NDUFA10: variants seen among roughly 807,000 people sequenced by gnomAD.
NDUFA10 encodes the protein NADH:ubiquinone oxidoreductase subunit A10.
Under a neutral mutation model 47.8 loss-of-function variants are expected in NDUFA10, and 40 were observed. That is an observed-to-expected ratio of 0.84 (90% CI 0.65 to 1.09). NDUFA10 has a LOEUF of 1.09. Among genes scored for constraint, NDUFA10 ranks in the 50% least tolerant of loss-of-function variants. The probability of loss-of-function intolerance (pLI) is 0.00; values close to 1 mark genes in which losing one functional copy is unlikely to be tolerated. For synonymous variants in NDUFA10, 183 were observed against 172.2 expected (o/e 1.06, Z -0.49); for missense variants, 413 against 451.1 (o/e 0.92, Z 0.76).
chr2:239,902,689 G>A (rs1474352231), intron 4 of NDUFA10, among the ~76,000 whole-genome samples: 8 of 152,138 alleles, frequency 5.3e-5, no homozygotes, highest in African/African-American at 1.4e-4. Context: ...GAGTGGGAAC[G>A]GCCTCGTTCT....
chr2:239,935,735 C>T (rs1176919891), intron 4 of NDUFA10, among the ~76,000 whole-genome samples: 1 of 152,206 alleles, frequency 6.6e-6, no homozygotes, highest in African/African-American at 2.4e-5. Flanking sequence ...CTCACAAGAT[C>T]TGATGGTTTT....
chr2:240,002,972 C>T (rs1282995824), intron 8 of NDUFA10, among the ~76,000 whole-genome samples: 2 of 152,090 alleles, frequency 1.3e-5, no homozygotes, highest in Non-Finnish European at 1.5e-5. Context: ...ACCTTAACCT[C>T]CCAAGTAGCT....
intron 4 of NDUFA10, among the ~76,000 whole-genome samples, chr2:239,931,358 ACACTTGTCATTGGATGAG>A: frequency 6.6e-6 from 1 of 152,182 alleles, no homozygotes; most frequent in African/African-American, 2.4e-5. Context: ...TCCTTCGATG[ACACTTGTCATTGGATGAG>A]GATGTGCCCG....
At chr2:239,917,428 G>A (rs1404753034) in intron 4 of NDUFA10, among the ~76,000 whole-genome samples, 4 of 152,166 alleles carry the variant, frequency 2.6e-5, no homozygotes, top group Admixed American at 2.0e-4. Flanking sequence ...CCTGTTCTCT[G>A]TAACTAGTAA....
chr2:239,984,744 C>A (rs1051916961), intron 9 of NDUFA10, among the ~76,000 whole-genome samples: 2 of 152,218 alleles, frequency 1.3e-5, no homozygotes, highest in Non-Finnish European at 2.9e-5. Context: ...GCCCTGGATG[C>A]CAAGGTCCAG....
intron 6 of NDUFA10, among the ~76,000 whole-genome samples, chr2:240,010,901 G>A (rs1359636712): frequency 1.8e-4 from 27 of 151,992 alleles, no homozygotes; most frequent in Admixed American, 1.8e-3. Context: ...TAAACAACAA[G>A]AACATGAGAT....
intron 4 of NDUFA10, among the ~76,000 whole-genome samples, chr2:239,911,853 A>G (rs940613513): frequency 2.0e-4 from 30 of 152,004 alleles, no homozygotes; most frequent in Admixed American, 1.9e-3. Context: ...TTCCCCAGAA[A>G]CAGACTGAGA....
chr2:239,903,501 C>T (rs545243629), intron 4 of NDUFA10, among the ~76,000 whole-genome samples: 29 of 152,304 alleles, frequency 1.9e-4, no homozygotes, highest in South Asian at 1.9e-3. Context: ...TGGAGTGAGG[C>T]TCTGGGTGAA....
intron 4 of NDUFA10, among the ~76,000 whole-genome samples, chr2:239,910,180 A>T (rs934535723): frequency 1.3e-5 from 2 of 152,234 alleles, no homozygotes; most frequent in Non-Finnish European, 2.9e-5. Context: ...ATCCAGAAGC[A>T]GAAATACCAT....
chr2:239,900,246 T>G (rs1693518747), intron 4 of NDUFA10, among the ~76,000 whole-genome samples: 2 of 127,332 alleles, frequency 1.6e-5, no homozygotes, highest in South Asian at 5.3e-4. Context: ...CTTCTCAGCT[T>G]GCAGACAGAC....
chr2:239,902,921 C>T (rs1276839957), intron 4 of NDUFA10, among the ~76,000 whole-genome samples: 2 of 152,168 alleles, frequency 1.3e-5, no homozygotes, highest in South Asian at 2.1e-4. Context: ...TTAATTAAAA[C>T]GAAGAGACAG....
chr2:239,941,479 A>G (rs1317213445), intron 4 of NDUFA10, among the ~76,000 whole-genome samples: 1 of 149,784 alleles, frequency 6.7e-6, no homozygotes, highest in Non-Finnish European at 1.5e-5. Context: ...TAATCCCAGC[A>G]CTTTGGAAGG....
intron 4 of NDUFA10, among the ~76,000 whole-genome samples, chr2:239,930,175 GCCC>G (rs1694140271): frequency 6.9e-6 from 1 of 143,926 alleles, no homozygotes; most frequent in Non-Finnish European, 1.5e-5. Context: ...CTTCTCCACC[GCCC>G]CTGCTCCTCC....
chr2:239,977,657 G>GCA (rs1285168834), intron 9 of NDUFA10, among the ~76,000 whole-genome samples: 1 of 152,226 alleles, frequency 6.6e-6, no homozygotes, highest in Non-Finnish European at 1.5e-5. Context: ...ATAATGTTAA[G>GCA]CACACAAACT....
intron 4 of NDUFA10, among the ~76,000 whole-genome samples, chr2:239,920,501 C>T (rs540413524): frequency 6.6e-6 from 1 of 152,336 alleles, no homozygotes; most frequent in East Asian, 1.9e-4. Context: ...CAGTTTGGGG[C>T]TGGAGCCGCA....
chr2:239,951,699 G>A (rs1382338595), intron 4 of NDUFA10, among the ~76,000 whole-genome samples: 1 of 152,236 alleles, frequency 6.6e-6, no homozygotes, highest in African/African-American at 2.4e-5. Context: ...AAAAGAAAAT[G>A]TATATAACTC....
chr2:240,025,164 T>TGCCCCCC, intron 1 of NDUFA10, 63 bp downstream of exon 1: 314 of 594,814 alleles, frequency 5.3e-4, no homozygotes, highest in East Asian at 9.2e-4. Flanking sequence ...GTGGAACTGC[T>TGCCCCCC]CCCCACCCCG....
At chr2:239,903,634 C>A (rs142237816) in intron 4 of NDUFA10, among the ~76,000 whole-genome samples, 56 of 152,340 alleles carry the variant, frequency 3.7e-4, no homozygotes, top group African/African-American at 1.3e-3. Context: ...AAAAGAATGT[C>A]AATTATACCT....
At chr2:239,927,477 C>T (rs1484435078) in intron 4 of NDUFA10, among the ~76,000 whole-genome samples, 1 of 152,158 alleles carries the variant, frequency 6.6e-6, no homozygotes, top group Non-Finnish European at 1.5e-5. Context: ...CAGGCCCTCA[C>T]GTTCACTCCC....
Sources: allele counts gnomAD v4.1 joint callset (sites outside exome capture counted in the v4.1 genomes callset), GRCh38; gene constraint gnomAD v4.1.1; transcripts MANE v1.5; gene names NCBI Gene and HGNC (gene_info 2026-07-23, HGNC 2026-07-21).